The following LRRC58 variants were observed in gnomAD, a reference collection of about 807,000 sequenced individuals.
LRRC58 encodes the protein leucine rich repeat containing 58.
Under a neutral mutation model 30.6 loss-of-function variants are expected in LRRC58, and 18 were observed. That is an observed-to-expected ratio of 0.59 (90% confidence interval 0.41 to 0.87). LRRC58 has a LOEUF of 0.87. LRRC58 is among the 40% of genes least tolerant of loss of function. LRRC58 has a pLI of 0.00. For missense variants in LRRC58, 420 were observed against 468.4 expected (o/e 0.90, Z 0.95); for synonymous variants, 221 against 206.0 (o/e 1.07, Z -0.62).
rs779416151 is a variant in LRRC58 at position 120,348,776 on chromosome 3, C to A, written c.468G>T (p.Gln156His). The A allele has an allele frequency of 1.8e-5, 29 of 1,603,980 alleles. No individual in the cohort carries two copies. The highest frequency in any genetic ancestry group is 1.9e-5 in the Non-Finnish European group (22 of 1,175,890). The change falls in exon 1 of 4, where the codon CAG becomes CAT. Residue 156 changes from glutamine (Q) to histidine (H), a missense_variant. Physicochemically the swap from Gln to His is conservative, Grantham distance 24. This residue lies in a region of LRRC58 where 266 missense variants were observed against 251.7 expected (regional missense o/e 1.06). Coordinates refer to ENST00000295628, the MANE Select transcript of LRRC58 (RefSeq NM_001099678.2). ...AGTTCTCGATCTCAGCCGGGATGCT[C>A]TGCAGTTGGTTGCCGCCCAGGCTCA... Reference protein sequence around the residue: ...QTLSLGGNQLQSIPAEIENLQ... With the variant: ...QTLSLGGNQLHSIPAEIENLQ...
At chr3:120,346,329 A>T (rs1358474462) in intron 1 of LRRC58, among the ~76,000 whole-genome samples, 1 of 152,150 alleles carries the variant, frequency 6.6e-6, no homozygotes, top group Admixed American at 6.5e-5. Context: ...CCCAACAAAG[A>T]TTCAGGTTCT....
chr3:120,347,930 G>C (rs1398469025), intron 1 of LRRC58, among the ~76,000 whole-genome samples: 1 of 152,116 alleles, frequency 6.6e-6, no homozygotes, highest in African/African-American at 2.4e-5. Flanking sequence ...TAATCTAGTA[G>C]GTGAAGCAGA....
In LRRC58 at chr3:120,349,097, C is replaced by A; in HGVS notation, c.147G>T (p.Leu49=). The change falls in exon 1 of 4, where the codon CTG becomes CTT. Residue 49 remains leucine (L), a synonymous_variant. Coordinates refer to ENST00000295628, the MANE Select transcript of LRRC58 (RefSeq NM_001099678.2). ...RRGAREALLR[L]LLPHNRLVSL... is the part of the protein sequence containing the mutation. ...ACACCAGACGGTTGTGAGGCAGCAG[C>A]AGCCGCAGCAGCGCCTCCCGCGCCC... 6.6e-7 allele frequency: 1 copy of A among 1,512,214 alleles called. No individual in the cohort carries two copies. The highest frequency in any genetic ancestry group is 2.7e-5 in the East Asian group (1 of 37,166). 93.7% of individuals were successfully genotyped at this position (1,512,214 alleles called of 1,614,324 possible). A position where few individuals can be genotyped will look rare whatever the true frequency, so the allele number is the denominator to read the frequency against.
chr3:120,349,167 T>C lies in LRRC58; in HGVS notation c.77A>G (p.Glu26Gly). 6.7e-7 allele frequency: 1 copy of C among 1,498,470 alleles called. No homozygotes were observed. Among genetic ancestry groups the C allele is most frequent in the East Asian group, 2.8e-5 (1 of 35,930 alleles). 92.8% of individuals were successfully genotyped at this position (1,498,470 alleles called of 1,614,324 possible). ...LNWSRLSVST[E>G]TLESELEARG... ...CGCCTCCAGCTCAGACTCCAGCGTC[T>C]CGGTGGACACGCTGAGGCGGGACCA... Residue 26 changes from glutamate to glycine, a missense_variant, in exon 1 of 4, where the codon GAG becomes GGG. By Grantham distance (98) the Glu-to-Gly change is moderately conservative. This residue lies in a region of LRRC58 where 266 missense variants were observed against 251.7 expected (regional missense o/e 1.06). Coordinates refer to ENST00000295628, the MANE Select transcript of LRRC58 (RefSeq NM_001099678.2).
chr3:120,331,173 G>A lies in LRRC58; in HGVS notation c.*27C>T, dbSNP rs757355348. ...CTAACCATTTTGCTCAGTTTTTTAA[G>A]TATTTCACAACACTGTGCACTCCTG... On this transcript the variant is annotated 3_prime_UTR_variant, in exon 4 of 4. Transcript: ENST00000295628. 6.9e-6 allele frequency: 11 copies of A among 1,599,424 alleles called. No individual in the cohort carries two copies. Among genetic ancestry groups the A allele is most frequent in the African/African-American group, 2.7e-5 (2 of 74,608 alleles).
rs141408238 is a variant in LRRC58, at chr3:120,329,585, T to C, written c.*1615A>G. ...ATGAATTAATATACAAATAAACACA[T>C]AAACCCTGAATTATGCTAGTTTCTT... On this transcript the variant is annotated 3_prime_UTR_variant, in exon 4 of 4. Coordinates refer to ENST00000295628, the MANE Select transcript of LRRC58 (RefSeq NM_001099678.2). The C allele has an allele frequency of 1.3e-5, 2 of 151,968 alleles. No individual in the cohort carries two copies. Among genetic ancestry groups the C allele is most frequent in the Non-Finnish European group, 2.9e-5 (2 of 67,908 alleles). 9.4% of individuals were successfully genotyped at this position (151,968 alleles called of 1,614,324 possible).
chr3:120,348,837 G>A lies in LRRC58; in HGVS notation c.407C>T (p.Pro136Leu), dbSNP rs1165895230. The part of the protein sequence containing the change: ...NLSGNCFQEV[P>L]ASLLELRALQ... ...CGCGCGCAGCTCTAAGAGCGAGGCA[G>A]GCACCTCCTGGAAACAGTTGCCGCT... The change falls in exon 1 of 4, where the codon CCT (proline) becomes CTT (leucine). Residue 136 changes from proline (P) to leucine (L), a missense_variant. Physicochemically the swap from Pro to Leu is moderately conservative, Grantham distance 98. Transcript: ENST00000295628. 3 of 1,604,904 alleles carry A rather than the reference G, an allele frequency of 1.9e-6. No individual in the cohort carries two copies. Among genetic ancestry groups the A allele is most frequent in the Middle Eastern group, 1.7e-4 (1 of 6,054 alleles).
At chr3:120,340,954 G>A (rs142377600) in intron 1 of LRRC58, among the ~76,000 whole-genome samples, 24 of 152,188 alleles carry the variant, frequency 1.6e-4, no homozygotes, top group Admixed American at 1.3e-4. Context: ...ATCTCTGATC[G>A]TGTAAAGCTT....
intron 1 of LRRC58, among the ~76,000 whole-genome samples, chr3:120,341,079 CTGGT>C (rs1170617090): frequency 6.6e-6 from 1 of 152,140 alleles, no homozygotes; most frequent in Non-Finnish European, 1.5e-5. Flanking sequence ...CAAAAGTCAA[CTGGT>C]TATAAGATTG....
At position 120,331,233 on chromosome 3, in the gene LRRC58, A is replaced by G. The variant is rs778468490; in HGVS notation, c.1083T>C (p.Ala361=). ...GAAGAACTTTCTGCATTCTGCGTGC[A>G]GCAACACTAGCTTCATCTTCTGAGT... ...ESDSEDEASV[A]ARRMQKVLLG Residue 361 remains alanine, a synonymous_variant, in exon 4 of 4, where the codon GCT becomes GCC. Coordinates refer to ENST00000295628, the MANE Select transcript of LRRC58 (RefSeq NM_001099678.2). 11 of 1,613,870 alleles carry G rather than the reference A, an allele frequency of 6.8e-6. No individual in the cohort carries two copies. The Admixed American group carries it at 1.8e-4, about 27-fold the overall frequency.
intron 1 of LRRC58, among the ~76,000 whole-genome samples, chr3:120,337,318 T>C (rs988028485): frequency 6.6e-6 from 1 of 152,234 alleles, no homozygotes; most frequent in Non-Finnish European, 1.5e-5. Context: ...TTTGATGGTA[T>C]AAAAAATGGT....
At position 120,325,850 on chromosome 3, in the gene LRRC58, T is replaced by C. The variant is rs901610202; in HGVS notation, c.*5350A>G. On this transcript the variant is annotated 3_prime_UTR_variant, in exon 4 of 4. Transcript: ENST00000295628. ...TAACAGAACATATCTTTTCAGTGAT[T>C]TTATTTCAGGGGACCCTGATTCTTA... is the stretch of plus-strand genomic sequence containing the variant. The C allele has an allele frequency of 6.6e-6, 1 of 152,206 alleles. No individual in the cohort carries two copies. Among genetic ancestry groups the C allele is most frequent in the Admixed American group, 6.5e-5 (1 of 15,288 alleles). The allele number at this position is 152,206 out of a possible 1,614,324, so 9.4% of individuals were successfully genotyped here.
intron 1 of LRRC58, among the ~76,000 whole-genome samples, chr3:120,346,518 T>C (rs1381527558): frequency 2.0e-5 from 3 of 152,196 alleles, no homozygotes; most frequent in African/African-American, 4.8e-5. Flanking sequence ...TTAAAAAGCA[T>C]AGTTAGCACC....
chr3:120,349,029 A>T lies in LRRC58; in HGVS notation c.215T>A (p.Leu72Gln). 1 of 1,518,882 alleles carries T rather than the reference A, an allele frequency of 6.6e-7. No homozygotes were observed. The highest frequency in any genetic ancestry group is 2.6e-5 in the East Asian group (1 of 38,180). 94.1% of individuals were successfully genotyped at this position (1,518,882 alleles called of 1,614,324 possible). ...ALGSGFPHLQ[L>Q]LDVSGNALTA... is the part of the protein sequence containing the mutation. ...CAACGCGTTGCCGCTCACGTCCAGC[A>T]GCTGGAGGTGCGGGAAGCCGCTGCC... Residue 72 changes from leucine to glutamine, a missense_variant, in exon 1 of 4, where the codon CTG becomes CAG. Transcript: ENST00000295628.
chr3:120,339,665 T>C (rs1935878996), intron 1 of LRRC58, among the ~76,000 whole-genome samples: 1 of 152,042 alleles, frequency 6.6e-6, no homozygotes, highest in African/African-American at 2.4e-5. Context: ...GTAGGTAATC[T>C]TTTTTTTCTT....
intron 1 of LRRC58, among the ~76,000 whole-genome samples, chr3:120,340,010 G>A (rs1365085627): frequency 3.3e-5 from 5 of 151,406 alleles, no homozygotes; most frequent in East Asian, 2.0e-4. Flanking sequence ...ACAGGCGCCC[G>A]CCACCACGCC....
In LRRC58 at chr3:120,330,744, ATATATATGGTATATATAG is replaced by A. The variant is rs962098671; in HGVS notation, c.*438_*455del. 17 of 155,232 alleles carry A rather than the reference ATATATATGGTATATATAG, an allele frequency of 1.1e-4. No homozygotes were observed. In the East Asian group the frequency reaches 1.9e-3, roughly 17 times the overall value. 9.6% of individuals were successfully genotyped at this position (155,232 alleles called of 1,614,324 possible). A position where few individuals can be genotyped will look rare whatever the true frequency, so the allele number is the denominator to read the frequency against. On this transcript the variant is annotated 3_prime_UTR_variant, in exon 4 of 4. Transcript: ENST00000295628. Reference sequence around the variant, plus strand: ...GGGTTAATCCTGTTTATGGCATATAATATATATGGTATATATAGTATATATGGTATATAGTATATATGG... The same window carrying A: ...GGGTTAATCCTGTTTATGGCATATAATATATATGGTATATAGTATATATGG...
intron 1 of LRRC58, among the ~76,000 whole-genome samples, chr3:120,341,833 A>G (rs1935908028): frequency 1.3e-5 from 2 of 151,916 alleles, no homozygotes; most frequent in Non-Finnish European, 2.9e-5. Flanking sequence ...TGCTCTACAG[A>G]GCAGGGAGAA....
intron 3 of LRRC58, 79 bp from the exon 4 acceptor site, chr3:120,331,487 T>G (rs1002398272): frequency 3.8e-6 from 4 of 1,055,988 alleles, no homozygotes. Flanking sequence ...TCCAGTGTTC[T>G]GGAGAAATGT....
Sources: allele counts gnomAD v4.1 joint callset (sites outside exome capture counted in the v4.1 genomes callset), GRCh38; gene constraint gnomAD v4.1.1; regional missense constraint gnomAD v4.1.1; transcripts MANE v1.5; gene names NCBI Gene and HGNC (gene_info 2026-07-23, HGNC 2026-07-21).